HTR2A: variants seen among roughly 807,000 people sequenced by gnomAD.
HTR2A encodes 5-hydroxytryptamine receptor 2A.
Under a neutral mutation model 31.0 loss-of-function variants are expected in HTR2A, and 14 were observed. The observed-to-expected ratio is 0.45, with a 90% confidence interval of 0.30 to 0.71. The LOEUF is 0.71. HTR2A is among the 30% of genes least tolerant of loss of function. The pLI is 0.09. For missense variants in HTR2A, 442 were observed against 573.3 expected, an observed-to-expected ratio of 0.77 and a Z score of 2.34; for synonymous variants, 209 against 225.2, an observed-to-expected ratio of 0.93 and a Z score of 0.64.
In HTR2A at chr13:46,896,725, T is replaced by C; in HGVS notation, c.-380A>G. 1 of 1,534,900 alleles carries C rather than the reference T, an allele frequency of 6.5e-7. No individual in the cohort carries two copies. The highest frequency in any genetic ancestry group is 1.7e-4 in the Middle Eastern group (1 of 5,986). ...ATACATTTGTTATTCTGTGACTCGC[T>C]GCATCTCTCACAGTAATTAAACTGG... On this transcript the variant is annotated 5_prime_UTR_variant, in exon 1 of 4. Transcript: ENST00000542664.
At chr13:46,877,062 T>C (rs1950919385) in intron 3 of HTR2A, among the ~76,000 whole-genome samples, 1 of 152,202 alleles carries the variant, frequency 6.6e-6, no homozygotes, top group South Asian at 2.1e-4. Context: ...ACTTACAAGT[T>C]GATGCCTAGA....
chr13:46,894,464 C>T (rs970771104), intron 2 of HTR2A, among the ~76,000 whole-genome samples: 1 of 152,216 alleles, frequency 6.6e-6, no homozygotes, highest in Non-Finnish European at 1.5e-5. Flanking sequence ...GAAGGCTGGA[C>T]TTGGAATGAG....
In HTR2A at chr13:46,896,909, T is replaced by TC. The variant is rs561446226; in HGVS notation, c.-565dup. The TC allele has an allele frequency of 9.6e-4, 1,227 of 1,277,384 alleles. 3 individuals carry two copies. Among genetic ancestry groups the TC allele is most frequent in the Non-Finnish European group, 1.3e-3 (1,163 of 926,670 alleles). 79.1% of individuals were successfully genotyped at this position (1,277,384 alleles called of 1,614,324 possible). ...GGCACGGCTCGGCTGGGTTCCTCCC[T>TC]CCCTGTGCGGCTCGCCTCAGCAGGC... On this transcript the variant is annotated 5_prime_UTR_variant, in exon 1 of 4. The change creates a premature stop within an existing upstream ORF in the 5' untranslated region. Transcript: ENST00000542664.
chr13:46,856,051 C>T (rs909653781), intron 3 of HTR2A: 1 of 152,154 alleles, frequency 6.6e-6, no homozygotes, highest in Non-Finnish European at 1.5e-5. Context: ...TAAAGCAATC[C>T]CTTACCCTGC....
chr13:46,889,057 C>T lies in HTR2A; in HGVS notation c.613+3333G>A, dbSNP rs75156341. Among the ~76,000 whole-genome samples the T allele has an allele frequency of 5.1e-3, 774 of 152,094 alleles. 12 individuals carry two copies. The highest frequency in any genetic ancestry group is 0.017 in the African/African-American group (721 of 41,510). On this transcript the variant is annotated intron_variant, in intron 3 of 3. Transcript: ENST00000542664. ...TTATATGTAAAAGGACTAAATACTC[C>T]AACTAAAAGACAAAGATGGGGTTAA...
intron 3 of HTR2A, among the ~76,000 whole-genome samples, chr13:46,888,437 C>T (rs1408090733): frequency 6.7e-6 from 1 of 148,736 alleles, no homozygotes; most frequent in Non-Finnish European, 1.5e-5. Context: ...AAATATAAGC[C>T]TGGAATGTTG....
intron 3 of HTR2A, among the ~76,000 whole-genome samples, chr13:46,849,310 C>A (rs889610505): frequency 4.6e-5 from 7 of 152,190 alleles, no homozygotes; most frequent in African/African-American, 1.7e-4. Flanking sequence ...CCACTGCCAT[C>A]TCTGTACTCT....
Position 46,835,493 on chromosome 13 carries a change from A to T in HTR2A, c.760T>A (p.Tyr254Asn), listed in dbSNP as rs1171632717. 6.2e-7 allele frequency: 1 copy of T among 1,614,092 alleles called. No individual in the cohort carries two copies. The highest frequency in any genetic ancestry group is 1.1e-5 in the South Asian group (1 of 91,090). ...TGGAGTGACTTGATAGTTAGAAAGTAGGTGATCACCATGATGGTTAAGGGA... is the reference window on the plus strand; with the variant it reads ...TGGAGTGACTTGATAGTTAGAAAGTTGGTGATCACCATGATGGTTAAGGGA... ...FIPLTIMVIT[Y>N]FLTIKSLQKE... The change falls in exon 4 of 4, where the codon TAC becomes AAC. Residue 254 changes from tyrosine to asparagine, a missense_variant. Physicochemically the swap from Tyr to Asn is moderately radical, Grantham distance 143. This residue lies in a region of HTR2A where 174 missense variants were observed against 195.1 expected (regional missense o/e 0.89). Coordinates refer to ENST00000542664, the MANE Select transcript of HTR2A (RefSeq NM_000621.5).
intron 3 of HTR2A, among the ~76,000 whole-genome samples, chr13:46,867,989 A>G (rs1417486099): frequency 1.3e-5 from 2 of 152,136 alleles, no homozygotes; most frequent in African/African-American, 4.8e-5. Flanking sequence ...TGGAAAATAG[A>G]ATGGTTCATC....
intron 3 of HTR2A, among the ~76,000 whole-genome samples, chr13:46,837,546 GC>G (rs1443180779): frequency 2.0e-5 from 3 of 152,162 alleles, no homozygotes; most frequent in Non-Finnish European, 4.4e-5. Flanking sequence ...TGTGGTTACT[GC>G]TTCTGACCGT....
rs1355505649 is a variant in HTR2A at position 46,896,731 on chromosome 13, T to G, written c.-386A>C. 2 of 1,534,868 alleles carry G rather than the reference T, an allele frequency of 1.3e-6. No homozygotes were observed. The highest frequency in any genetic ancestry group is 1.7e-6 in the Non-Finnish European group (2 of 1,144,790). ...TTGTTATTCTGTGACTCGCTGCATC[T>G]CTCACAGTAATTAAACTGGTGTAGA... On this transcript the variant is annotated 5_prime_UTR_variant, in exon 1 of 4. Coordinates refer to ENST00000542664, the MANE Select transcript of HTR2A (RefSeq NM_000621.5).
At chr13:46,871,720 T>A (rs142568755) in intron 3 of HTR2A, among the ~76,000 whole-genome samples, 1 of 152,256 alleles carries the variant, frequency 6.6e-6, no homozygotes, top group Non-Finnish European at 1.5e-5. Context: ...TATCTTTCCC[T>A]GCATTTTTGA....
rs141536241 is a variant in HTR2A, at chr13:46,841,851, C to CA, written c.614-6213dup. On this transcript the variant is annotated intron_variant, in intron 3 of 3. Transcript: ENST00000542664. ...GAACCCATCCACATCTCTCTTGTCT[C>CA]AGAGAAGATTGACTTTCATCTACCA... 2.0e-3 allele frequency among the ~76,000 whole-genome samples: 299 copies of CA among 152,256 alleles called. 1 individual carries two copies. The highest frequency in any genetic ancestry group is 6.9e-3 in the African/African-American group (286 of 41,560).
At chr13:46,891,148 TTCC>T (rs1951049366) in intron 3 of HTR2A, among the ~76,000 whole-genome samples, 1 of 152,226 alleles carries the variant, frequency 6.6e-6, no homozygotes, top group African/African-American at 2.4e-5. Context: ...GTATTCTGGT[TTCC>T]TCATTTATCA....
intron 3 of HTR2A, among the ~76,000 whole-genome samples, chr13:46,842,657 C>T (rs913520332): frequency 6.6e-6 from 1 of 152,206 alleles, no homozygotes; most frequent in Non-Finnish European, 1.5e-5. Context: ...TCTTTGTAAT[C>T]TGATTTTAAC....
intron 3 of HTR2A, among the ~76,000 whole-genome samples, chr13:46,860,936 A>C (rs1950774167): frequency 6.6e-6 from 1 of 152,232 alleles, no homozygotes; most frequent in Non-Finnish European, 1.5e-5. Context: ...ATGAAAAATG[A>C]ATGGCTCCCA....
intron 3 of HTR2A, among the ~76,000 whole-genome samples, chr13:46,847,903 T>G (rs1194639888): frequency 6.6e-6 from 1 of 152,176 alleles, no homozygotes; most frequent in African/African-American, 2.4e-5. Context: ...TAGCAACTTC[T>G]TCTTGTAACC....
intron 3 of HTR2A, among the ~76,000 whole-genome samples, chr13:46,875,950 A>G (rs1950906553): frequency 6.6e-6 from 1 of 152,248 alleles, no homozygotes; most frequent in Non-Finnish European, 1.5e-5. Context: ...TCAACAGCTA[A>G]AAAGTCTTCA....
At chr13:46,843,526 G>A (rs1950616421) in intron 3 of HTR2A, among the ~76,000 whole-genome samples, 1 of 152,102 alleles carries the variant, frequency 6.6e-6, no homozygotes, top group Non-Finnish European at 1.5e-5. Context: ...GAGGACTCCT[G>A]AGGGCATAGG....
Sources: allele counts gnomAD v4.1 joint callset (sites outside exome capture counted in the v4.1 genomes callset), GRCh38; gene constraint gnomAD v4.1.1; regional missense constraint gnomAD v4.1.1; transcripts MANE v1.5; gene names NCBI Gene and HGNC (gene_info 2026-07-23, HGNC 2026-07-21).